ADGRG1: variants seen among roughly 807,000 people sequenced by gnomAD.
ADGRG1 encodes the protein 7-transmembrane protein with no EGF-like N-terminal domains-1.
In ADGRG1, 53 loss-of-function variants were observed where a neutral mutation model predicts 73.5. The ratio of observed to expected loss-of-function variants is 0.72; its 90% confidence interval spans 0.58 to 0.91. ADGRG1 has a LOEUF of 0.91. ADGRG1 is among the 40% of genes least tolerant of loss of function. The pLI, the probability that ADGRG1 is intolerant of heterozygous loss-of-function variation, is 0.00. For synonymous variants in ADGRG1, 394 were observed against 374.4 expected, an observed-to-expected ratio of 1.05 and a Z score of -0.60; for missense variants, 795 against 871.8, an observed-to-expected ratio of 0.91 and a Z score of 1.11.
chr16:57,644,662 CACA>C, intron 1 of ADGRG1, among the ~76,000 whole-genome samples: 1 of 136,458 alleles, frequency 7.3e-6, no homozygotes, highest in Middle Eastern at 4.0e-3. Context: ...ACACTCATCA[CACA>C]CTCCTCACAC....
At chr16:57,631,852 G>A (rs948909378) in intron 1 of ADGRG1, 2 of 981,798 alleles carry the variant, frequency 2.0e-6, no homozygotes, top group South Asian at 4.7e-5. Context: ...GAGGCCCCCA[G>A]GGGAGCCCTG....
chr16:57,651,598 G>T lies in ADGRG1; in HGVS notation c.463G>T (p.Ala155Ser), dbSNP rs199910467. 2.9e-5 allele frequency: 47 copies of T among 1,613,682 alleles called. No homozygotes were observed. The highest frequency in any genetic ancestry group is 1.6e-4 in the Middle Eastern group (1 of 6,082). Reference protein sequence around the residue: ...SPQNISLPSAASFTFSFHSPP... With the variant: ...SPQNISLPSASSFTFSFHSPP... ...TCAGAACATCAGCCTGCCCAGTGCC[G>T]CCAGCTTCACCTTCTCCTTCCACAG... The change falls in exon 3 of 14, where the codon GCC (alanine) becomes TCC (serine). Residue 155 changes from alanine to serine, a missense_variant. Transcript: ENST00000562631.
intron 4 of ADGRG1, chr16:57,653,705 C>A: frequency 1.2e-6 from 1 of 811,092 alleles, no homozygotes; most frequent in Non-Finnish European, 1.5e-6. Flanking sequence ...CCCAGGACAG[C>A]CCCCACCACA....
In ADGRG1 at chr16:57,644,297, A is replaced by G. The variant is rs529748372; in HGVS notation, c.-35-5956A>G. 33 of 618,860 alleles carry G rather than the reference A, an allele frequency of 5.3e-5. No individual in the cohort carries two copies. The South Asian group carries it at 2.0e-3, about 37-fold the overall frequency. The allele number at this position is 618,860 out of a possible 1,614,324, so 38.3% of individuals were successfully genotyped here. A position where few individuals can be genotyped will look rare whatever the true frequency, so the allele number is the denominator to read the frequency against. ...ACACACTCATCACACACTCATGCTCAGGCACACACTCATGCACACAAGGAC... is the reference window on the plus strand; with the variant it reads ...ACACACTCATCACACACTCATGCTCGGGCACACACTCATGCACACAAGGAC... On this transcript the variant is annotated intron_variant, in intron 1 of 13. Transcript: ENST00000562631.
At position 57,660,481 on chromosome 16, in the gene ADGRG1, A is replaced by T. The variant is rs1202578902; in HGVS notation, c.1556-287A>T. ...CTGCCCCTCCCATCTCCCCTGTGACATCCAGCCCTGCAGCAGAGACCCACA... is the reference window on the plus strand; with the variant it reads ...CTGCCCCTCCCATCTCCCCTGTGACTTCCAGCCCTGCAGCAGAGACCCACA... On this transcript the variant is annotated intron_variant, in intron 11 of 13. Transcript: ENST00000562631. The T allele has an allele frequency of 3.7e-6, 3 of 800,700 alleles. No homozygotes were observed. The African/African-American group carries it at 5.6e-5, about 15-fold the overall frequency. 49.6% of individuals were successfully genotyped at this position (800,700 alleles called of 1,614,324 possible).
chr16:57,628,859 TGTGA>T (rs1169764652), intron 1 of ADGRG1, 57 bp downstream of exon 1: 8 of 982,296 alleles, frequency 8.1e-6, no homozygotes, highest in South Asian at 4.7e-5. Context: ...AGTGTGAGAG[TGTGA>T]GTGTGTGAGC....
At chr16:57,634,659 TG>T (rs1341608435) in intron 1 of ADGRG1, 5 of 193,170 alleles carry the variant, frequency 2.6e-5, no homozygotes, top group Non-Finnish European at 4.7e-5. Flanking sequence ...GCCATTCCCA[TG>T]ATAGGTAGTG....
intron 3 of ADGRG1, chr16:57,652,717 C>T (rs1370475207): frequency 4.9e-6 from 5 of 1,010,328 alleles, no homozygotes; most frequent in Non-Finnish European, 5.9e-6. Flanking sequence ...CTCCAACCCC[C>T]ACTGTTTGTC....
upstream of ADGRG1, chr16:57,627,926 G>A (rs2036172786): frequency 2.1e-6 from 2 of 971,800 alleles, no homozygotes; most frequent in African/African-American, 3.5e-5. Context: ...TCTTCACCCA[G>A]GCCTCGGTTT....
chr16:57,650,148 C>T lies in ADGRG1; in HGVS notation c.-35-105C>T, dbSNP rs530719922. ...ATGGGCTTTTTCCACACTTGCTTCCCCACCTCACCTCCCACATCCATGCCA... is the reference window on the plus strand; with the variant it reads ...ATGGGCTTTTTCCACACTTGCTTCCTCACCTCACCTCCCACATCCATGCCA... On this transcript the variant is annotated intron_variant, in intron 1 of 13. Transcript: ENST00000562631. 3 of 1,543,598 alleles carry T rather than the reference C, an allele frequency of 1.9e-6. No individual in the cohort carries two copies. In the East Asian group the frequency reaches 7.3e-5, roughly 38 times the overall value.
intron 1 of ADGRG1, chr16:57,631,853 G>C (rs2038028264): frequency 4.1e-6 from 4 of 982,012 alleles, no homozygotes; most frequent in Non-Finnish European, 3.6e-6. Flanking sequence ...AGGCCCCCAG[G>C]GGAGCCCTGT....
At chr16:57,628,592 G>T (rs12932868), upstream of ADGRG1, 70,567 of 985,428 alleles carry the variant, frequency 0.072, 2,680 homozygotes, top group East Asian at 0.11. Context: ...CAGGAGAGGG[G>T]TGTCTCCCCA....
intron 1 of ADGRG1, chr16:57,642,122 T>G: frequency 2.0e-6 from 2 of 985,374 alleles, no homozygotes; most frequent in Non-Finnish European, 2.4e-6. Flanking sequence ...ATTCTTTCTC[T>G]CTCTTTTCCA....
At chr16:57,645,271 C>A (rs1479176567) in intron 1 of ADGRG1, 1 of 985,296 alleles carries the variant, frequency 1.0e-6, no homozygotes, top group Non-Finnish European at 1.2e-6. Context: ...CCAGCGAGGG[C>A]CCATTTAAGG....
chr16:57,635,104 C>A (rs192063864), intron 1 of ADGRG1: 3 of 985,182 alleles, frequency 3.0e-6, no homozygotes, highest in Admixed American at 1.2e-4. Context: ...GGGCAGGACA[C>A]CCACCTCCTG....
rs1193644581 is a variant in ADGRG1 at position 57,634,126 on chromosome 16, G to T, written c.-36+5324G>T. ...TTTCCTGGGACAGAACAGCACTGTG[G>T]TCACTTCTCTGCTGGGTGAGTTCAC... is the stretch of plus-strand genomic sequence containing the variant. On this transcript the variant is annotated intron_variant, in intron 1 of 13. Transcript: ENST00000562631. 3 of 985,310 alleles carry T rather than the reference G, an allele frequency of 3.0e-6. No homozygotes were observed. In the African/African-American group the frequency reaches 5.2e-5, roughly 17 times the overall value. 61.0% of individuals were successfully genotyped at this position (985,310 alleles called of 1,614,324 possible).
intron 1 of ADGRG1, chr16:57,648,744 G>A: frequency 1.7e-5 from 17 of 981,096 alleles, no homozygotes; most frequent in Non-Finnish European, 2.1e-5. Context: ...CGCCACGCAG[G>A]ATGAGGTTCT....
chr16:57,623,173 G>A (rs2035188135), upstream of ADGRG1: 2 of 982,496 alleles, frequency 2.0e-6, no homozygotes, highest in African/African-American at 3.5e-5. Context: ...GAAAATGCAA[G>A]TCACCTGCCT....
intron 1 of ADGRG1, among the ~76,000 whole-genome samples, chr16:57,637,978 G>A (rs1192083612): frequency 8.5e-5 from 13 of 152,216 alleles, no homozygotes; most frequent in African/African-American, 2.4e-4. Context: ...GCCTGGAACC[G>A]AAAACCTCGG....
Sources: gnomAD v4.1 joint callset for allele counts (sites outside exome capture counted in the v4.1 genomes callset) on GRCh38, gnomAD v4.1.1 for gene constraint, MANE v1.5 for transcripts, NCBI Gene and HGNC (gene_info 2026-07-23, HGNC 2026-07-21) for gene names.